Variants in PTPRN2 observed in about 807,000 individuals in gnomAD.
The protein encoded by PTPRN2 is protein tyrosine phosphatase receptor type N2.
In PTPRN2, 74 loss-of-function variants were observed where a neutral mutation model predicts 118.8. The ratio of observed to expected loss-of-function variants is 0.62; its 90% confidence interval spans 0.52 to 0.76. The LOEUF is 0.76. Ranked by LOEUF, PTPRN2 falls within the 30% of genes least tolerant of loss-of-function variation. The pLI, the probability that PTPRN2 is intolerant of heterozygous loss-of-function variation, is 0.00. For missense variants in PTPRN2, 1,481 were observed against 1,394.4 expected, an observed-to-expected ratio of 1.06 and a Z score of -0.99; for synonymous variants, 641 against 608.0, an observed-to-expected ratio of 1.05 and a Z score of -0.80.
chr7:158,147,908 C>T (rs1820355007), intron 6 of PTPRN2, among the ~76,000 whole-genome samples: 3 of 136,802 alleles, frequency 2.2e-5, no homozygotes, highest in Non-Finnish European at 4.9e-5. Flanking sequence ...CCCTCACTGA[C>T]ACCCCATCTC....
intron 2 of PTPRN2, among the ~76,000 whole-genome samples, chr7:158,476,572 G>C (rs1275123218): frequency 6.6e-6 from 1 of 152,228 alleles, no homozygotes; most frequent in East Asian, 1.9e-4. Flanking sequence ...GGAGAGAGAG[G>C]GGCCCCAGCA....
chr7:157,666,365 A>C (rs1223956179), intron 13 of PTPRN2, among the ~76,000 whole-genome samples: 1 of 152,182 alleles, frequency 6.6e-6, no homozygotes, highest in African/African-American at 2.4e-5. Context: ...TAGCATGTCA[A>C]ATTCCCAGTG....
At chr7:157,540,921 A>G (rs1797983091) in intron 22 of PTPRN2, 136 bp from the exon 23 acceptor site, 2 of 691,358 alleles carry the variant, frequency 2.9e-6, no homozygotes, top group Non-Finnish European at 4.9e-6. Context: ...CATTTCGCAG[A>G]AAGAAATTGT....
intron 11 of PTPRN2, among the ~76,000 whole-genome samples, chr7:158,071,748 A>ATGGTGGAGGTGCCCGTGG (rs1563393273): frequency 1.5e-4 from 4 of 27,158 alleles, no homozygotes; most frequent in Non-Finnish European, 2.9e-4. Flanking sequence ...GGAGGTGCTC[A>ATGGTGGAGGTGCCCGTGG]TGGTGGAGGT....
At chr7:158,266,408 C>T (rs954505048) in intron 3 of PTPRN2, among the ~76,000 whole-genome samples, 20 of 147,892 alleles carry the variant, frequency 1.4e-4, no homozygotes, top group African/African-American at 3.0e-4. Flanking sequence ...GTGTCTGCTG[C>T]GGGGTATTGT....
intron 2 of PTPRN2, among the ~76,000 whole-genome samples, chr7:158,337,483 G>C (rs77735802): frequency 3.9e-3 from 392 of 100,906 alleles, no homozygotes; most frequent in Middle Eastern, 0.013. Flanking sequence ...CATAAGAGGT[G>C]ACACCTGCAG....
intron 1 of PTPRN2, among the ~76,000 whole-genome samples, chr7:158,560,457 T>C (rs923500801): frequency 6.6e-6 from 1 of 152,282 alleles, no homozygotes; most frequent in African/African-American, 2.4e-5. Context: ...TTGCTTATTT[T>C]ACATGAATTG....
chr7:157,561,409 G>C (rs975817859), intron 21 of PTPRN2, among the ~76,000 whole-genome samples: 5 of 152,346 alleles, frequency 3.3e-5, no homozygotes, highest in African/African-American at 1.2e-4. Flanking sequence ...GTTTCCATGA[G>C]AGCCCCAAAG....
At chr7:158,113,881 C>T (rs967134311) in intron 9 of PTPRN2, among the ~76,000 whole-genome samples, 7 of 152,170 alleles carry the variant, frequency 4.6e-5, no homozygotes, top group South Asian at 2.1e-4. Flanking sequence ...CCGCCTTCCA[C>T]TCAGGGAGGA....
At chr7:157,613,304 GT>G (rs1419815922) in intron 15 of PTPRN2, among the ~76,000 whole-genome samples, 1 of 152,246 alleles carries the variant, frequency 6.6e-6, no homozygotes, top group Non-Finnish European at 1.5e-5. Flanking sequence ...CTTATTCCCA[GT>G]GCTGCTCTTC....
chr7:157,721,815 C>A (rs947048344), intron 12 of PTPRN2, among the ~76,000 whole-genome samples: 2 of 152,156 alleles, frequency 1.3e-5, no homozygotes, highest in African/African-American at 4.8e-5. Flanking sequence ...GCCTGGGGCT[C>A]CCGCTGGAGG....
At chr7:157,920,476 C>T (rs187933555) in intron 11 of PTPRN2, among the ~76,000 whole-genome samples, 1 of 152,184 alleles carries the variant, frequency 6.6e-6, no homozygotes, top group Admixed American at 6.5e-5. Context: ...TACACCAAGG[C>T]CCCCCATGTT....
chr7:157,924,244 T>C (rs1798845359), intron 11 of PTPRN2, among the ~76,000 whole-genome samples: 2 of 152,138 alleles, frequency 1.3e-5, no homozygotes, highest in South Asian at 4.1e-4. Context: ...GCTGGCTCCA[T>C]TGAAGCCACA....
chr7:158,340,631 C>T (rs530465534), intron 2 of PTPRN2, among the ~76,000 whole-genome samples: 331 of 107,104 alleles, frequency 3.1e-3, no homozygotes, highest in Non-Finnish European at 5.0e-3. Context: ...CACACTCACA[C>T]TCTAGCCATA....
chr7:158,387,838 C>T lies in PTPRN2; in HGVS notation c.164-70906G>A, dbSNP rs985205041. ...GTGGGATTCGGACAAGAGGCTGCAG[C>T]AGGAACCCGCCTCTGAATTCCCAGC... On this transcript the variant is annotated intron_variant, in intron 2 of 22. Coordinates refer to ENST00000389418, the MANE Select transcript of PTPRN2 (RefSeq NM_002847.5). Among the ~76,000 whole-genome samples the T allele has an allele frequency of 3.3e-5, 5 of 152,154 alleles. 1 individual carries two copies. The South Asian group carries it at 1.0e-3, about 32-fold the overall frequency.
chr7:157,965,423 A>G (rs1022560077), intron 11 of PTPRN2, among the ~76,000 whole-genome samples: 1 of 152,126 alleles, frequency 6.6e-6, no homozygotes, highest in Non-Finnish European at 1.5e-5. Context: ...CCATCGAGAG[A>G]CTGAGCCTTC....
intron 2 of PTPRN2, among the ~76,000 whole-genome samples, chr7:158,371,998 A>G (rs1011233689): frequency 3.3e-5 from 5 of 152,236 alleles, no homozygotes; most frequent in Non-Finnish European, 5.9e-5. Context: ...CGCCACAGAC[A>G]CCCTCTGCCA....
intron 2 of PTPRN2, among the ~76,000 whole-genome samples, chr7:158,356,359 CT>C (rs1808382254): frequency 6.6e-6 from 1 of 152,212 alleles, no homozygotes; most frequent in Non-Finnish European, 1.5e-5. Flanking sequence ...CAAAGGCAAC[CT>C]TAAGGCTTAG....
chr7:158,433,747 TTC>T (rs1203270998), intron 2 of PTPRN2, among the ~76,000 whole-genome samples: 1 of 152,192 alleles, frequency 6.6e-6, no homozygotes, highest in Non-Finnish European at 1.5e-5. Context: ...CAATTTTCTG[TTC>T]TTTTTCTACA....
Sources: allele counts gnomAD v4.1 joint callset (sites outside exome capture counted in the v4.1 genomes callset), GRCh38; gene constraint gnomAD v4.1.1; transcripts MANE v1.5; gene names NCBI Gene and HGNC (gene_info 2026-07-23, HGNC 2026-07-21).